OPHN1: variants seen among roughly 807,000 people sequenced by gnomAD.
OPHN1 encodes the protein oligophrenin-1.
In OPHN1, 11 loss-of-function variants were observed where a neutral mutation model predicts 60.7. That is an observed-to-expected ratio of 0.18 (90% CI 0.11 to 0.30). The LOEUF is 0.30. OPHN1 is among the 10% of genes least tolerant of loss of function. The pLI is 1.00. For synonymous variants in OPHN1, 226 were observed against 222.6 expected, an observed-to-expected ratio of 1.02 and a Z score of -0.14; for missense variants, 449 against 611.0, an observed-to-expected ratio of 0.73 and a Z score of 2.80.
chrX:68,288,575 C>A (rs2078055857), intron 3 of OPHN1, among the ~76,000 whole-genome samples: 1 of 110,755 alleles, frequency 9.0e-6, no homozygotes, highest in South Asian at 3.9e-4. Context: ...CCAGCCTGGC[C>A]AACATCGTGA....
intron 19 of OPHN1, among the ~76,000 whole-genome samples, chrX:68,095,610 T>C (rs749829502): frequency 2.7e-5 from 3 of 111,442 alleles, no homozygotes; most frequent in Non-Finnish European, 5.7e-5. Flanking sequence ...ATTTCTTATA[T>C]GTATAAGGAC....
At chrX:68,334,461 C>A (rs1401095085) in intron 2 of OPHN1, among the ~76,000 whole-genome samples, 2 of 111,119 alleles carry the variant, frequency 1.8e-5, no homozygotes, top group Non-Finnish European at 3.8e-5. Flanking sequence ...TTTTAATATA[C>A]ACAATTTTTC....
At chrX:68,201,368 AC>A (rs2077534366) in intron 11 of OPHN1, among the ~76,000 whole-genome samples, 1 of 111,790 alleles carries the variant, frequency 8.9e-6, no homozygotes, top group Admixed American at 9.5e-5. Flanking sequence ...CCCAGGAGAG[AC>A]TTTTTCTTCC....
intron 18 of OPHN1, among the ~76,000 whole-genome samples, chrX:68,107,123 G>A (rs918949082): frequency 8.9e-6 from 1 of 111,759 alleles, no homozygotes; most frequent in Non-Finnish European, 1.9e-5. Flanking sequence ...ACAATAACAT[G>A]TTTGCATCTT....
At chrX:68,266,276 A>G (rs1038119284) in intron 5 of OPHN1, among the ~76,000 whole-genome samples, 10 of 111,567 alleles carry the variant, frequency 9.0e-5, no homozygotes, top group Non-Finnish European at 1.7e-4. Context: ...GGCAGCCAGA[A>G]AGAAAGGTCG....
At chrX:68,246,784 T>C (rs1042687383) in intron 5 of OPHN1, among the ~76,000 whole-genome samples, 3 of 111,430 alleles carry the variant, frequency 2.7e-5, no homozygotes, top group East Asian at 5.6e-4. Flanking sequence ...TCTAATATAC[T>C]ATGCATAGTC....
intron 2 of OPHN1, among the ~76,000 whole-genome samples, chrX:68,368,901 T>C (rs1276710517): frequency 1.8e-5 from 2 of 111,804 alleles, no homozygotes; most frequent in Admixed American, 9.6e-5. Flanking sequence ...AAAATACTAC[T>C]AAGAATTTTA....
At chrX:68,210,880 T>C (rs2077581729) in intron 8 of OPHN1, among the ~76,000 whole-genome samples, 1 of 111,712 alleles carries the variant, frequency 9.0e-6, no homozygotes, top group African/African-American at 3.2e-5. Context: ...TGAAAATCAC[T>C]ACAGATAAGT....
chrX:68,187,829 A>G (rs760675713), intron 15 of OPHN1, among the ~76,000 whole-genome samples: 119 of 111,520 alleles, frequency 1.1e-3, no homozygotes, highest in African/African-American at 1.6e-3. Flanking sequence ...GGGTTTCACC[A>G]TGTTAGCCAG....
At chrX:68,089,337 G>A (rs2077007549) in intron 19 of OPHN1, among the ~76,000 whole-genome samples, 1 of 111,290 alleles carries the variant, frequency 9.0e-6, no homozygotes, top group South Asian at 3.8e-4. Context: ...AGATATTTTC[G>A]ATTCTCAAAA....
intron 15 of OPHN1, among the ~76,000 whole-genome samples, chrX:68,161,540 A>G (rs940230998): frequency 9.0e-6 from 1 of 111,357 alleles, no homozygotes. Flanking sequence ...ATACCACATA[A>G]TATCCACCAG....
intron 2 of OPHN1, among the ~76,000 whole-genome samples, chrX:68,343,137 G>A (rs1049265491): frequency 2.8e-5 from 3 of 108,823 alleles, no homozygotes; most frequent in Admixed American, 1.0e-4. Context: ...AGCTAGGCAT[G>A]GTGGCAGGTG....
Position 68,053,714 on chromosome X carries a change from G to C in OPHN1, c.2255C>G (p.Ala752Gly), listed in dbSNP as rs753584407. The C allele has an allele frequency of 1.7e-6, 2 of 1,211,146 alleles. No homozygotes were observed. Among genetic ancestry groups the C allele is most frequent in the Non-Finnish European group, 2.2e-6 (2 of 895,233 alleles). ...VRPPDPPCRAATPQKPEPKPD... is the reference protein window; with the variant it reads ...VRPPDPPCRAGTPQKPEPKPD... ...CTTTGGTTCTGGCTTTTGGGGAGTAGCTGCCCGGCAGGGAGGATCTGGGGG... is the reference window on the plus strand; with the variant it reads ...CTTTGGTTCTGGCTTTTGGGGAGTACCTGCCCGGCAGGGAGGATCTGGGGG... Residue 752 changes from alanine (A) to glycine (G), a missense_variant, in exon 22 of 25, where the codon GCT becomes GGT. By Grantham distance (60) the Ala-to-Gly change is moderately conservative. Around this residue, in one of 4 missense-constraint regions of OPHN1, gnomAD observed 184 missense variants for 160.5 expected, o/e 1.15. Coordinates refer to ENST00000355520, the MANE Select transcript of OPHN1 (RefSeq NM_002547.3).
At chrX:68,416,049 TATATATATATATATATATAGAGAG>T (rs1200246020) in intron 2 of OPHN1, among the ~76,000 whole-genome samples, 2 of 59,861 alleles carry the variant, frequency 3.3e-5, no homozygotes, top group African/African-American at 1.9e-4. Context: ...TATATATATA[TATATATATATATATATATAGAGAG>T]AGAGAGAGAG....
intron 5 of OPHN1, among the ~76,000 whole-genome samples, chrX:68,266,732 C>T (rs1285891809): frequency 3.6e-5 from 4 of 111,254 alleles, no homozygotes; most frequent in Non-Finnish European, 7.5e-5. Flanking sequence ...CACAGACTGG[C>T]AAATTGGATA....
At chrX:68,431,716 C>A (rs1457424346) in intron 2 of OPHN1, among the ~76,000 whole-genome samples, 4 of 111,115 alleles carry the variant, frequency 3.6e-5, no homozygotes, top group African/African-American at 1.3e-4. Context: ...GCGTGAGCCA[C>A]CTCGCCCAGC....
chrX:68,132,047 G>A (rs1043027619), intron 15 of OPHN1, among the ~76,000 whole-genome samples: 1 of 112,167 alleles, frequency 8.9e-6, no homozygotes, highest in African/African-American at 3.2e-5. Flanking sequence ...CAAAATCTGT[G>A]GGATACATTT....
intron 2 of OPHN1, among the ~76,000 whole-genome samples, chrX:68,351,032 G>A (rs983472590): frequency 1.8e-5 from 2 of 111,325 alleles, no homozygotes; most frequent in African/African-American, 3.3e-5. Flanking sequence ...AGGTTCAAGC[G>A]ATTCTCCTGC....
At chrX:68,381,364 G>A (rs976300951) in intron 2 of OPHN1, among the ~76,000 whole-genome samples, 3 of 110,657 alleles carry the variant, frequency 2.7e-5, no homozygotes, top group African/African-American at 9.9e-5. Context: ...GGATTTTTTT[G>A]TATTTTGCCC....
Sources: gnomAD v4.1 joint callset for allele counts (sites outside exome capture counted in the v4.1 genomes callset) on GRCh38, gnomAD v4.1.1 for gene constraint, gnomAD v4.1.1 regional missense constraint, MANE v1.5 for transcripts, NCBI Gene and HGNC (gene_info 2026-07-23, HGNC 2026-07-21) for gene names.